CTNND2: variants seen among roughly 807,000 people sequenced by gnomAD.
The protein encoded by CTNND2 is catenin delta-2.
Under a neutral mutation model 144.4 loss-of-function variants are expected in CTNND2, and 22 were observed. The ratio of observed to expected loss-of-function variants is 0.15; its 90% CI spans 0.11 to 0.22. The LOEUF (loss-of-function observed/expected upper bound fraction) is 0.22, where lower values mean the gene tolerates loss of function less well. CTNND2 is among the 10% of genes least tolerant of loss of function. The probability of loss-of-function intolerance (pLI) is 1.00; values close to 1 mark genes in which losing one functional copy is unlikely to be tolerated. For synonymous variants in CTNND2, 751 were observed against 695.6 expected, an observed-to-expected ratio of 1.08 and a Z score of -1.25; for missense variants, 1,353 against 1,618.8, an observed-to-expected ratio of 0.84 and a Z score of 2.82.
intron 1 of CTNND2, among the ~76,000 whole-genome samples, chr5:11,845,024 C>T (rs906142676): frequency 9.2e-5 from 14 of 152,052 alleles, no homozygotes; most frequent in African/African-American, 1.4e-4. Flanking sequence ...CTTACTGTAT[C>T]GTGGCAAGAA....
At chr5:11,233,841 T>C (rs1234036392) in intron 10 of CTNND2, among the ~76,000 whole-genome samples, 1 of 152,138 alleles carries the variant, frequency 6.6e-6, no homozygotes, top group Non-Finnish European at 1.5e-5. Flanking sequence ...TATTTAAGCC[T>C]TTTGCACTTC....
At chr5:11,774,803 C>T (rs557553932) in intron 1 of CTNND2, among the ~76,000 whole-genome samples, 4 of 152,220 alleles carry the variant, frequency 2.6e-5, no homozygotes, top group African/African-American at 9.6e-5. Context: ...AATCTGAGCA[C>T]ACAGGTAACT....
chr5:11,153,138 T>C (rs1035529261), intron 12 of CTNND2, among the ~76,000 whole-genome samples: 2 of 152,072 alleles, frequency 1.3e-5, no homozygotes, highest in Non-Finnish European at 2.9e-5. Context: ...GTGGTATGTA[T>C]GTAGTCCCAG....
intron 2 of CTNND2, among the ~76,000 whole-genome samples, chr5:11,698,522 C>T (rs992315702): frequency 6.6e-6 from 1 of 151,802 alleles, no homozygotes; most frequent in Non-Finnish European, 1.5e-5. Context: ...ATCCTGACCT[C>T]GTGATCCCCC....
chr5:11,023,742 C>T (rs1742531913), intron 16 of CTNND2, among the ~76,000 whole-genome samples: 1 of 152,204 alleles, frequency 6.6e-6, no homozygotes, highest in Admixed American at 6.5e-5. Flanking sequence ...CCTTAATTCA[C>T]TTTAACATTA....
At chr5:11,065,503 T>C (rs1350610244) in intron 16 of CTNND2, among the ~76,000 whole-genome samples, 1 of 152,246 alleles carries the variant, frequency 6.6e-6, no homozygotes, top group Non-Finnish European at 1.5e-5. Flanking sequence ...TATTTTCCCC[T>C]ATGGAGATGC....
chr5:11,451,433 A>C (rs749992481), intron 3 of CTNND2, among the ~76,000 whole-genome samples: 34 of 152,206 alleles, frequency 2.2e-4, no homozygotes, highest in Non-Finnish European at 3.8e-4. Flanking sequence ...TCCTAGGAAT[A>C]GTAAGTAATA....
At chr5:11,122,766 G>T (rs183702979) in intron 12 of CTNND2, among the ~76,000 whole-genome samples, 49 of 152,112 alleles carry the variant, frequency 3.2e-4, no homozygotes, top group African/African-American at 1.1e-3. Flanking sequence ...TTAGAGAACA[G>T]AACTAGGTTT....
chr5:11,099,776 A>T (rs1478453379), intron 14 of CTNND2, among the ~76,000 whole-genome samples: 1 of 152,194 alleles, frequency 6.6e-6, no homozygotes. Context: ...ATAAAGTTAG[A>T]AATGAAAGAT....
At chr5:11,636,140 C>G (rs1781692531) in intron 2 of CTNND2, among the ~76,000 whole-genome samples, 1 of 150,928 alleles carries the variant, frequency 6.6e-6, no homozygotes, top group African/African-American at 2.4e-5. Context: ...ATAAACAATC[C>G]TAGGAGACAT....
chr5:11,866,254 G>C (rs1795762829), intron 1 of CTNND2, among the ~76,000 whole-genome samples: 1 of 152,186 alleles, frequency 6.6e-6, no homozygotes, highest in South Asian at 2.1e-4. Context: ...AGTGAGCTAT[G>C]ATTTTGCCAC....
chr5:11,784,159 A>T (rs574813643), intron 1 of CTNND2, among the ~76,000 whole-genome samples: 7 of 152,368 alleles, frequency 4.6e-5, no homozygotes, highest in African/African-American at 1.7e-4. Context: ...GCTATTGTTG[A>T]CCTGCTGAAA....
At chr5:11,231,086 A>G (rs146704140) in intron 10 of CTNND2, among the ~76,000 whole-genome samples, 7 of 152,266 alleles carry the variant, frequency 4.6e-5, no homozygotes, top group African/African-American at 9.6e-5. Context: ...ATAATGAGTG[A>G]GTCTCACGAG....
At chr5:11,074,813 T>A (rs1012159168) in intron 16 of CTNND2, among the ~76,000 whole-genome samples, 1 of 152,200 alleles carries the variant, frequency 6.6e-6, no homozygotes, top group South Asian at 2.1e-4. Flanking sequence ...AACATTTTTA[T>A]GTCGTCCTTT....
At position 11,796,634 on chromosome 5, in the gene CTNND2, T is replaced by G. The variant is rs76966131; in HGVS notation, c.38-64362A>C. On this transcript the variant is annotated intron_variant, in intron 1 of 21. Coordinates refer to ENST00000304623, the MANE Select transcript of CTNND2 (RefSeq NM_001332.4). Reference sequence around the variant, plus strand: ...TCAAACATAAGCATTTGCCCATTTTTAAGGTAATGAGCCCAATCTGTTTTT... The same window carrying G: ...TCAAACATAAGCATTTGCCCATTTTGAAGGTAATGAGCCCAATCTGTTTTT... Among the ~76,000 whole-genome samples, 918 of 152,306 alleles carry G rather than the reference T, an allele frequency of 6.0e-3. 7 individuals carry two copies. The highest frequency in any genetic ancestry group is 0.021 in the African/African-American group (859 of 41,566).
chr5:11,246,598 G>A (rs1743030296), intron 9 of CTNND2, among the ~76,000 whole-genome samples: 1 of 151,924 alleles, frequency 6.6e-6, no homozygotes, highest in Admixed American at 6.5e-5. Context: ...ATCAATTTCT[G>A]TTGTTTTGGG....
At chr5:11,688,034 C>A (rs7718416) in intron 2 of CTNND2, among the ~76,000 whole-genome samples, 1 of 151,916 alleles carries the variant, frequency 6.6e-6, no homozygotes. Flanking sequence ...TTTGCCTGGG[C>A]GAGTGATAAT....
rs116769563 is a variant in CTNND2, at chr5:11,596,689, G to A, written c.175-31633C>T. On this transcript the variant is annotated intron_variant, in intron 2 of 21. Transcript: ENST00000304623. Reference sequence around the variant, plus strand: ...CTTTACATTTAGGCTGGAACATTTTGTCCTTTAAATAGTTAACTTCCTACA... The same window carrying A: ...CTTTACATTTAGGCTGGAACATTTTATCCTTTAAATAGTTAACTTCCTACA... 3.5e-3 allele frequency among the ~76,000 whole-genome samples: 525 copies of A among 152,076 alleles called. 5 individuals are homozygous for A. The highest frequency in any genetic ancestry group is 0.012 in the African/African-American group (510 of 41,482).
At chr5:11,569,657 T>A (rs1033423517) in intron 2 of CTNND2, among the ~76,000 whole-genome samples, 1 of 152,206 alleles carries the variant, frequency 6.6e-6, no homozygotes, top group Non-Finnish European at 1.5e-5. Flanking sequence ...AACTTTGTGG[T>A]ATAGCATTAG....
Sources: gnomAD v4.1 joint callset for allele counts (sites outside exome capture counted in the v4.1 genomes callset) on GRCh38, gnomAD v4.1.1 for gene constraint, MANE v1.5 for transcripts, NCBI Gene and HGNC (gene_info 2026-07-23, HGNC 2026-07-21) for gene names.